The following TRPM4 variants were observed in gnomAD, a reference collection of about 807,000 sequenced individuals.
TRPM4 encodes the protein calcium-activated non-selective cation channel 1.
A neutral mutation model predicts 135.6 loss-of-function variants in TRPM4; 124 were observed. The ratio of observed to expected loss-of-function variants is 0.91; its 90% CI spans 0.79 to 1.06. The LOEUF is 1.06. TRPM4 is among the 50% of genes least tolerant of loss of function. TRPM4 has a pLI of 0.00. For missense variants in TRPM4, 1,658 were observed against 1,671.4 expected, an observed-to-expected ratio of 0.99 and a Z score of 0.14; for synonymous variants, 745 against 705.6, an observed-to-expected ratio of 1.06 and a Z score of -0.88.
Position 49,202,693 on chromosome 19 carries a change from A to T in TRPM4, c.3131+552A>T, listed in dbSNP as rs193006347. ...TGCAACCTCCACTTCCCACTCCCCC[A>T]TACCCAGTTAATTTTTTGTATTTGT... On this transcript the variant is annotated intron_variant, in intron 20 of 24. Transcript: ENST00000252826. Among the ~76,000 whole-genome samples the T allele has an allele frequency of 6.7e-4, 102 of 151,754 alleles. 1 individual carries two copies. The highest frequency in any genetic ancestry group is 2.1e-3 in the African/African-American group (87 of 41,368).
At chr19:49,170,342 C>T (rs1967404924) in intron 6 of TRPM4, among the ~76,000 whole-genome samples, 1 of 152,092 alleles carries the variant, frequency 6.6e-6, no homozygotes, top group African/African-American at 2.4e-5. Context: ...GCACGAGCCA[C>T]CACTCCCAGC....
chr19:49,174,146 G>A (rs182833763), intron 9 of TRPM4, among the ~76,000 whole-genome samples: 57 of 150,328 alleles, frequency 3.8e-4, no homozygotes, highest in Admixed American at 3.3e-4. Context: ...AGGAAAAGTT[G>A]TGTGTGTGTG....
At position 49,168,782 on chromosome 19, in the gene TRPM4, C is replaced by T. The variant is rs541375805; in HGVS notation, c.796+46C>T. The T allele has an allele frequency of 3.9e-6, 6 of 1,545,860 alleles. No homozygotes were observed. The South Asian group carries it at 7.1e-5, about 18-fold the overall frequency. On this transcript the variant is annotated intron_variant, in intron 6 of 24. Coordinates refer to ENST00000252826, the MANE Select transcript of TRPM4 (RefSeq NM_017636.4). ...CCCACAACCCACGACCCACAACCTG[C>T]AACCCCAGCGCTCAGGATCCCAGTA...
chr19:49,204,941 G>T (rs1220980074), intron 20 of TRPM4, among the ~76,000 whole-genome samples: 2 of 124,530 alleles, frequency 1.6e-5, no homozygotes, highest in African/African-American at 3.1e-5. Flanking sequence ...TTGTTGGCAT[G>T]ATTTTTGCTG....
In TRPM4 at chr19:49,172,113, A is replaced by T. The variant is rs200371133; in HGVS notation, c.1150+5A>T. On this transcript the variant is annotated splice_donor_5th_base_variant and intron_variant, in intron 9 of 24. Coordinates refer to ENST00000252826, the MANE Select transcript of TRPM4 (RefSeq NM_017636.4). ...TTTTGAAGGCCCTTGTGAAGGGTAAAAGTTGTACCCTCCAGTCTTCCCCCT... is the reference window on the plus strand; with the variant it reads ...TTTTGAAGGCCCTTGTGAAGGGTAATAGTTGTACCCTCCAGTCTTCCCCCT... 51 of 1,607,722 alleles carry T rather than the reference A, an allele frequency of 3.2e-5. No individual in the cohort carries two copies. Among genetic ancestry groups the T allele is most frequent in the Non-Finnish European group, 3.9e-5 (46 of 1,174,398 alleles).
intron 6 of TRPM4, among the ~76,000 whole-genome samples, chr19:49,169,483 G>A (rs992987342): frequency 1.0e-3 from 144 of 138,390 alleles, no homozygotes; most frequent in South Asian, 6.3e-3. Context: ...GGGTTTCACC[G>A]TGTTAGCCAG....
At chr19:49,163,192 A>G (rs918362363) in intron 2 of TRPM4, among the ~76,000 whole-genome samples, 1 of 100,432 alleles carries the variant, frequency 1.0e-5, no homozygotes, top group African/African-American at 2.9e-5. Flanking sequence ...TTATTTTATT[A>G]TTATTATTTT....
intron 13 of TRPM4, 46 bp from the exon 14 acceptor site, chr19:49,188,900 C>T (rs747896826): frequency 3.7e-6 from 6 of 1,613,810 alleles, no homozygotes; most frequent in Admixed American, 1.7e-5. Context: ...ACACCCTCAC[C>T]CTACTCCTTC....
At position 49,190,214 on chromosome 19, in the gene TRPM4, C is replaced by T; in HGVS notation, c.2026C>T (p.Leu676=). 1 of 1,613,632 alleles carries T rather than the reference C, an allele frequency of 6.2e-7. No homozygotes were observed. Among genetic ancestry groups the T allele is most frequent in the Non-Finnish European group, 8.5e-7 (1 of 1,179,550 alleles). Residue 676 remains leucine, a synonymous_variant, in exon 15 of 25, where the codon CTG becomes TTG. Transcript: ENST00000252826. ...TCCTTCCCACCCCCCACAGTCTCTG[C>T]TGACACAGAAGTGGTGGGGAGATAT... ...FFAQDGVQSL[L]TQKWWGDMAS... is the part of the protein sequence containing the mutation.
Position 49,200,684 on chromosome 19 carries a change from T to G in TRPM4, c.2852T>G (p.Leu951Arg). ...LVAYGVATEGLLRPRDSDFPS... is the reference protein window; with the variant it reads ...LVAYGVATEGRLRPRDSDFPS... ...GCCTATGGCGTGGCCACGGAGGGGC[T>G]CCTGAGGCCACGGGACAGTGACTTC... The change falls in exon 19 of 25, where the codon CTC becomes CGC. Residue 951 changes from leucine to arginine, a missense_variant. Physicochemically the swap from Leu to Arg is moderately radical, Grantham distance 102. This residue lies in a region of TRPM4 where 1,412 missense variants were observed against 1,408.7 expected (regional missense o/e 1.00). Coordinates refer to ENST00000252826, the MANE Select transcript of TRPM4 (RefSeq NM_017636.4). The G allele has an allele frequency of 1.9e-6, 3 of 1,614,054 alleles. No individual in the cohort carries two copies. Among genetic ancestry groups the G allele is most frequent in the Non-Finnish European group, 2.5e-6 (3 of 1,180,022 alleles).
intron 12 of TRPM4, among the ~76,000 whole-genome samples, chr19:49,184,145 CATT>C (rs1205637535): frequency 6.6e-6 from 1 of 152,008 alleles, no homozygotes; most frequent in Non-Finnish European, 1.5e-5. Context: ...GTTTTTAGGA[CATT>C]ATATCTTCAA....
chr19:49,187,770 T>G (rs1968252645), intron 12 of TRPM4, among the ~76,000 whole-genome samples: 1 of 152,160 alleles, frequency 6.6e-6, no homozygotes, highest in Admixed American at 6.6e-5. Flanking sequence ...TCAGAGCTTT[T>G]AAAGATAATT....
At chr19:49,169,938 T>C (rs1967389722) in intron 6 of TRPM4, among the ~76,000 whole-genome samples, 1 of 152,216 alleles carries the variant, frequency 6.6e-6, no homozygotes, top group African/African-American at 2.4e-5. Flanking sequence ...TTTGTGTATT[T>C]TTCTTGTATC....
Position 49,169,059 on chromosome 19 carries a change from G to T in TRPM4, c.796+323G>T, listed in dbSNP as rs149591333. Among the ~76,000 whole-genome samples, 219 of 150,532 alleles carry T rather than the reference G, an allele frequency of 1.5e-3. 3 individuals carry two copies. Among genetic ancestry groups the T allele is most frequent in the African/African-American group, 5.1e-3 (208 of 41,156 alleles). On this transcript the variant is annotated intron_variant, in intron 6 of 24. Coordinates refer to ENST00000252826, the MANE Select transcript of TRPM4 (RefSeq NM_017636.4). ...AAAGAATAAAAAATAAATTAGCCAG[G>T]TGTGGTGTCGTGTGCCTGTAATCCC...
rs1967482957 is a variant in TRPM4, at chr19:49,172,044, A to G, written c.1086A>G (p.Thr362=). 6.2e-7 allele frequency: 1 copy of G among 1,614,008 alleles called. No homozygotes were observed. Among genetic ancestry groups the G allele is most frequent in the Non-Finnish European group, 8.5e-7 (1 of 1,179,974 alleles). The change falls in exon 9 of 25, where the codon ACA becomes ACG. Residue 362 remains threonine, a synonymous_variant. Coordinates refer to ENST00000252826, the MANE Select transcript of TRPM4 (RefSeq NM_017636.4). ...ERIMTRKELL[T]VYSSEDGSEE... is the part of the protein sequence containing the mutation. ...TTATGACCCGGAAGGAGCTCCTGAC[A>G]GTCTATTCTTCTGAGGATGGGTCTG...
At position 49,208,291 on chromosome 19, in the gene TRPM4, C is replaced by T. The variant is rs539780292; in HGVS notation, c.3132-1918C>T. ...GGGCGGGCCTGACATCAGTCAGGCC[C>T]TCCACAAGAGGTGGTGGAGCAGTCT... On this transcript the variant is annotated intron_variant, in intron 20 of 24. Transcript: ENST00000252826. Among the ~76,000 whole-genome samples, 82 of 101,816 alleles carry T rather than the reference C, an allele frequency of 8.1e-4. 1 individual carries two copies. The South Asian group carries it at 0.032, about 40-fold the overall frequency. 66.8% of individuals were successfully genotyped at this position (101,816 alleles called of 152,430 possible).
intron 20 of TRPM4, among the ~76,000 whole-genome samples, chr19:49,206,895 G>A (rs1969174091): frequency 6.6e-6 from 1 of 152,070 alleles, no homozygotes; most frequent in South Asian, 2.1e-4. Flanking sequence ...TTATTCCTAG[G>A]TGCTTAACCT....
In TRPM4 at chr19:49,210,747, A is replaced by C. The variant is rs1387528488; in HGVS notation, c.3366A>C (p.Leu1122=). 1 of 1,614,152 alleles carries C rather than the reference A, an allele frequency of 6.2e-7. No individual in the cohort carries two copies. Among genetic ancestry groups the C allele is most frequent in the South Asian group, 1.1e-5 (1 of 91,060 alleles). ...CTAAGGAAGCCGAGCGGAAGCTGCT[A>C]ACGTGGGAATCGGTGCATAAGGAGA... ...YLSKEAERKL[L]TWESVHKENF... is the part of the protein sequence containing the mutation. The change falls in exon 22 of 25, where the codon CTA becomes CTC. Residue 1122 remains leucine (L), a synonymous_variant. Transcript: ENST00000252826. The surrounding 1 kb of genome is among the most constrained non-coding windows in gnomAD (Gnocchi z 4.1).
chr19:49,204,870 T>A, intron 20 of TRPM4, among the ~76,000 whole-genome samples: 1 of 151,564 alleles, frequency 6.6e-6, no homozygotes, highest in Admixed American at 6.6e-5. Context: ...CGGCTATTTT[T>A]TTTTTTTTTA....
Sources: gnomAD v4.1 joint callset for allele counts (sites outside exome capture counted in the v4.1 genomes callset) on GRCh38, gnomAD v4.1.1 for gene constraint, gnomAD v4.1.1 regional missense constraint, Gnocchi (gnomAD v3.1) non-coding constraint, MANE v1.5 for transcripts, NCBI Gene and HGNC (gene_info 2026-07-23, HGNC 2026-07-21) for gene names.